Variants in LTBP1 observed in about 807,000 individuals in gnomAD.
LTBP1 encodes latent-transforming growth factor beta-binding protein 1.
A neutral mutation model predicts 207.6 loss-of-function variants in LTBP1; 129 were observed. The observed-to-expected ratio is 0.62, with a 90% CI of 0.54 to 0.72. LTBP1 has a LOEUF of 0.72. Ranked by LOEUF, LTBP1 falls within the 30% of genes least tolerant of loss-of-function variation. LTBP1 has a pLI of 0.00. For synonymous variants in LTBP1, 963 were observed against 833.7 expected, an observed-to-expected ratio of 1.16 and a Z score of -2.67; for missense variants, 2,281 against 2,217.2, an observed-to-expected ratio of 1.03 and a Z score of -0.58.
chr2:33,129,826 G>C (rs375580826), intron 4 of LTBP1, among the ~76,000 whole-genome samples: 1 of 152,076 alleles, frequency 6.6e-6, no homozygotes, highest in East Asian at 1.9e-4. Flanking sequence ...AGTTACTCCT[G>C]CCTCAGTAAC....
chr2:33,279,747 T>G (rs2093520565), intron 18 of LTBP1, among the ~76,000 whole-genome samples: 3 of 152,284 alleles, frequency 2.0e-5, no homozygotes, highest in Admixed American at 6.5e-5. Context: ...GTCCAGAAAT[T>G]GGCCCTAGAG....
At chr2:32,987,991 C>T in intron 2 of LTBP1, among the ~76,000 whole-genome samples, 1 of 152,048 alleles carries the variant, frequency 6.6e-6, no homozygotes, top group East Asian at 1.9e-4. Flanking sequence ...TTTGATGTAC[C>T]CACAGAGGTG....
intron 24 of LTBP1, among the ~76,000 whole-genome samples, chr2:33,316,849 A>G (rs1559000724): frequency 6.6e-6 from 1 of 152,154 alleles, no homozygotes; most frequent in Non-Finnish European, 1.5e-5. Flanking sequence ...AGAATTCCTA[A>G]GCTCTAGAAG....
chr2:33,122,336 A>G (rs73924172), intron 4 of LTBP1, among the ~76,000 whole-genome samples: 6,483 of 152,218 alleles, frequency 0.043, 431 homozygotes, highest in African/African-American at 0.15. Flanking sequence ...GGACAAATCA[A>G]TCATTAGTCT....
rs1390090526 is a variant in LTBP1 at position 33,252,664 on chromosome 2, C to T, written c.2000-13C>T. The T allele has an allele frequency of 1.3e-6, 2 of 1,599,504 alleles. No individual in the cohort carries two copies. The highest frequency in any genetic ancestry group is 1.7e-6 in the Non-Finnish European group (2 of 1,169,702). On this transcript the variant is annotated splice_polypyrimidine_tract_variant and intron_variant, in intron 10 of 33. Transcript: ENST00000404816. ...TTTCTCATGTAATGTCGGGCTTTAT[C>T]TCTCTGCTTCAGCTGATCCCCCTGT...
intron 32 of LTBP1, among the ~76,000 whole-genome samples, chr2:33,394,821 G>T (rs560886150): frequency 6.6e-6 from 1 of 152,252 alleles, no homozygotes; most frequent in South Asian, 2.1e-4. Flanking sequence ...CTTTAAAGTA[G>T]TTTTTTCCAA....
chr2:33,035,929 G>A (rs1162209059), intron 3 of LTBP1, among the ~76,000 whole-genome samples: 1 of 152,142 alleles, frequency 6.6e-6, no homozygotes, highest in African/African-American at 2.4e-5. Context: ...CGTGGTCCTT[G>A]TTAATTCCTT....
intron 7 of LTBP1, among the ~76,000 whole-genome samples, chr2:33,209,687 T>C (rs187517039): frequency 6.6e-6 from 1 of 152,238 alleles, no homozygotes; most frequent in Admixed American, 6.5e-5. Context: ...ACGTGTTTAT[T>C]TTATACATCT....
At chr2:33,129,678 C>T (rs1054287814) in intron 4 of LTBP1, among the ~76,000 whole-genome samples, 12 of 152,022 alleles carry the variant, frequency 7.9e-5, no homozygotes, top group Admixed American at 2.6e-4. Context: ...GCTATTTTTT[C>T]GGGTAAATTT....
chr2:33,387,663 C>G (rs1191763913), intron 31 of LTBP1, among the ~76,000 whole-genome samples: 1 of 152,080 alleles, frequency 6.6e-6, no homozygotes, highest in Non-Finnish European at 1.5e-5. Context: ...ATTCGTCACC[C>G]TCATTCCTCC....
At chr2:33,270,615 T>C (rs1458321943) in intron 15 of LTBP1, among the ~76,000 whole-genome samples, 3 of 128,872 alleles carry the variant, frequency 2.3e-5, no homozygotes, top group Non-Finnish European at 5.0e-5. Context: ...AAAAAAAGAA[T>C]GGAATCCTGC....
At chr2:33,310,983 A>T (rs1321109441) in intron 23 of LTBP1, among the ~76,000 whole-genome samples, 1 of 152,208 alleles carries the variant, frequency 6.6e-6, no homozygotes, top group Admixed American at 6.5e-5. Flanking sequence ...AATAAATAAA[A>T]AAAATTGTTG....
chr2:33,019,383 C>G (rs942593170), intron 2 of LTBP1, among the ~76,000 whole-genome samples: 4 of 128,744 alleles, frequency 3.1e-5, no homozygotes, highest in Admixed American at 9.7e-5. Flanking sequence ...GTCATCCAGG[C>G]TGCAATGTGT....
At chr2:33,389,790 C>T (rs1014558226) in intron 32 of LTBP1, among the ~76,000 whole-genome samples, 7 of 152,138 alleles carry the variant, frequency 4.6e-5, no homozygotes, top group Non-Finnish European at 7.3e-5. Context: ...CAGGCACGCA[C>T]CACCATGCCC....
intron 15 of LTBP1, among the ~76,000 whole-genome samples, chr2:33,266,349 G>A (rs1271739672): frequency 2.0e-5 from 3 of 152,186 alleles, no homozygotes; most frequent in African/African-American, 7.2e-5. Flanking sequence ...GTGCCCCTCA[G>A]CATGAATAGC....
chr2:33,306,307 C>T (rs570685481), intron 22 of LTBP1, among the ~76,000 whole-genome samples: 8 of 152,152 alleles, frequency 5.3e-5, no homozygotes, highest in Admixed American at 2.0e-4. Context: ...TGGTGGCTCA[C>T]GCCTGTAATC....
At chr2:33,339,965 G>A (rs892227536) in intron 24 of LTBP1, among the ~76,000 whole-genome samples, 10 of 152,128 alleles carry the variant, frequency 6.6e-5, no homozygotes, top group African/African-American at 2.4e-4. Context: ...TTTAATTCAA[G>A]TCACCAAGGT....
intron 4 of LTBP1, among the ~76,000 whole-genome samples, chr2:33,126,538 A>C (rs544660257): frequency 1.2e-4 from 18 of 152,378 alleles, no homozygotes; most frequent in African/African-American, 4.3e-4. Context: ...GAAATGAGGA[A>C]GCTGAAAATG....
At chr2:33,065,623 G>A (rs1351967471) in intron 3 of LTBP1, among the ~76,000 whole-genome samples, 4 of 151,944 alleles carry the variant, frequency 2.6e-5, no homozygotes, top group South Asian at 4.2e-4. Flanking sequence ...TTATGAATTC[G>A]ATTTGTGGAC....
Sources: gnomAD v4.1 joint callset for allele counts (sites outside exome capture counted in the v4.1 genomes callset) on GRCh38, gnomAD v4.1.1 for gene constraint, MANE v1.5 for transcripts, NCBI Gene and HGNC (gene_info 2026-07-23, HGNC 2026-07-21) for gene names.